The following HNRNPUL1 variants were observed in gnomAD, a reference collection of about 807,000 sequenced individuals.
HNRNPUL1 encodes the protein heterogeneous nuclear ribonucleoprotein U like 1, also known as heterogeneous nuclear ribonucleoprotein U-like protein 1.
In HNRNPUL1, 14 loss-of-function variants were observed where a neutral mutation model predicts 108.5. The ratio of observed to expected loss-of-function variants is 0.13; its 90% confidence interval spans 0.09 to 0.20. The LOEUF is 0.20. Among genes scored for constraint, HNRNPUL1 ranks in the 10% least tolerant of loss-of-function variants. The probability of loss-of-function intolerance (pLI) is 1.00; values close to 1 mark genes in which losing one functional copy is unlikely to be tolerated. For missense variants in HNRNPUL1, 804 were observed against 1,168.3 expected, an observed-to-expected ratio of 0.69 and a Z score of 4.55; for synonymous variants, 422 against 445.2, an observed-to-expected ratio of 0.95 and a Z score of 0.66.
At chr19:41,289,425 G>A (rs2036448334) in intron 7 of HNRNPUL1, among the ~76,000 whole-genome samples, 2 of 152,174 alleles carry the variant, frequency 1.3e-5, no homozygotes, top group Admixed American at 1.3e-4. Flanking sequence ...GATACTTAGA[G>A]CCTAGGGACA....
intron 6 of HNRNPUL1, 42 bp downstream of exon 6, chr19:41,279,218 T>TG: frequency 7.3e-7 from 1 of 1,362,324 alleles, no homozygotes; most frequent in Admixed American, 1.7e-5. Flanking sequence ...ATAGAGTGAC[T>TG]GTCCCTACCC....
At position 41,294,191 on chromosome 19, in the gene HNRNPUL1, C is replaced by A. The variant is rs1040155035; in HGVS notation, c.1267-147C>A. The A allele has an allele frequency of 5.2e-5, 42 of 802,944 alleles. No individual in the cohort carries two copies. In the Middle Eastern group the frequency reaches 3.0e-3, roughly 58 times the overall value. 49.7% of individuals were successfully genotyped at this position (802,944 alleles called of 1,614,324 possible). ...AGCCTGATCTTTTTGAATCCCGATA[C>A]CAGTACTGTGAGGTAGATGGTATTA... On this transcript the variant is annotated intron_variant, in intron 8 of 14. Transcript: ENST00000392006. The surrounding 1 kb of genome is among the most constrained non-coding windows in gnomAD (Gnocchi z 4.3).
chr19:41,304,160 C>A lies in HNRNPUL1; in HGVS notation c.2161C>A (p.Arg721=). The A allele has an allele frequency of 6.2e-7, 1 of 1,614,176 alleles. No individual in the cohort carries two copies. The highest frequency in any genetic ancestry group is 2.2e-5 in the East Asian group (1 of 44,874). ...GCCACCACCCAGCTACAGCCCTGCT[C>A]GGAACCCCCCAGGGGCCAGCACCTA... ...PPPPPSYSPA[R]NPPGASTYNK... Residue 721 remains arginine, a synonymous_variant, in exon 13 of 15, where the codon CGG becomes AGG. Coordinates refer to ENST00000392006, the MANE Select transcript of HNRNPUL1 (RefSeq NM_007040.6).
intron 7 of HNRNPUL1, chr19:41,286,804 C>T (rs2036258886): frequency 6.6e-6 from 1 of 150,714 alleles, no homozygotes; most frequent in Admixed American, 6.6e-5. Flanking sequence ...GCAACCTCCG[C>T]CTCCCCGGGT....
chr19:41,285,343 C>T (rs1025830709), intron 7 of HNRNPUL1, among the ~76,000 whole-genome samples: 2 of 152,140 alleles, frequency 1.3e-5, no homozygotes, highest in Non-Finnish European at 2.9e-5. Flanking sequence ...TCTACCTCAG[C>T]GACCCAAGTA....
upstream of HNRNPUL1, chr19:41,264,209 C>T: frequency 3.2e-6 from 1 of 316,058 alleles, no homozygotes. Context: ...GCCAACGCTT[C>T]CTCCCCAGTA....
In HNRNPUL1 at chr19:41,272,197, C is replaced by T. The variant is rs200908886; in HGVS notation, c.534C>T (p.Asn178=). ...GTCGAAAGAGGCCTTATGAAGAAAACCGGGGACGGGGGTACTTTGAGCACC... is the reference window on the plus strand; with the variant it reads ...GTCGAAAGAGGCCTTATGAAGAAAATCGGGGACGGGGGTACTTTGAGCACC... ...FQSRKRPYEE[N]RGRGYFEHRE... is the part of the protein sequence containing the mutation. The change falls in exon 3 of 15, where the codon AAC becomes AAT. Residue 178 remains asparagine, a synonymous_variant. Transcript: ENST00000392006. The T allele has an allele frequency of 5.0e-6, 8 of 1,614,004 alleles. No homozygotes were observed. Among genetic ancestry groups the T allele is most frequent in the African/African-American group, 2.7e-5 (2 of 74,988 alleles).
chr19:41,276,179 A>C lies in HNRNPUL1; in HGVS notation c.667A>C (p.Lys223Gln). The stretch of plus-strand genomic sequence containing the variant: ...CACAGATAACTGCGACCTCCACTTC[A>C]AGGTGGCCCGAGATCGGAGTAGTGG... Reference protein sequence around the residue: ...IDTYNCDLHFKVARDRSSGYP... With the variant: ...IDTYNCDLHFQVARDRSSGYP... Residue 223 changes from lysine to glutamine, a missense_variant, in exon 5 of 15, where the codon AAG becomes CAG. Physicochemically the swap from Lys to Gln is moderately conservative, Grantham distance 53 (BLOSUM62 1). Coordinates refer to ENST00000392006, the MANE Select transcript of HNRNPUL1 (RefSeq NM_007040.6). 1 of 1,613,960 alleles carries C rather than the reference A, an allele frequency of 6.2e-7. No individual in the cohort carries two copies. The highest frequency in any genetic ancestry group is 8.5e-7 in the Non-Finnish European group (1 of 1,180,006).
chr19:41,270,985 C>G (rs1300747475), intron 2 of HNRNPUL1, among the ~76,000 whole-genome samples: 1 of 152,178 alleles, frequency 6.6e-6, no homozygotes, highest in African/African-American at 2.4e-5. Context: ...GGCTAGTCCT[C>G]TTGGTTAATA....
intron 10 of HNRNPUL1, among the ~76,000 whole-genome samples, chr19:41,296,513 C>T (rs961582158): frequency 6.6e-6 from 1 of 152,164 alleles, no homozygotes; most frequent in African/African-American, 2.4e-5. Context: ...AGGATTGCCT[C>T]GGGGCCTGAA....
At chr19:41,276,793 G>A (rs1178667028) in intron 5 of HNRNPUL1, 1 of 153,212 alleles carries the variant, frequency 6.5e-6, no homozygotes, top group African/African-American at 2.4e-5. Flanking sequence ...GCACAGAAAA[G>A]TACAGGATAA....
At chr19:41,272,648 ACTCTT>A (rs1475957916) in intron 3 of HNRNPUL1, among the ~76,000 whole-genome samples, 2 of 152,070 alleles carry the variant, frequency 1.3e-5, no homozygotes, top group African/African-American at 4.8e-5. Flanking sequence ...CGAAGTGCCC[ACTCTT>A]GGGCTGGACA....
intron 1 of HNRNPUL1, chr19:41,268,003 G>A (rs1389186579): frequency 7.2e-6 from 3 of 419,484 alleles, no homozygotes; most frequent in Non-Finnish European, 1.3e-5. Flanking sequence ...GTGTCTTTAA[G>A]ATTTGTCTGT....
chr19:41,277,832 A>G (rs1475143661), intron 5 of HNRNPUL1, among the ~76,000 whole-genome samples: 1 of 151,998 alleles, frequency 6.6e-6, no homozygotes, highest in East Asian at 1.9e-4. Flanking sequence ...CATCACATTT[A>G]TTGTAAAATG....
In HNRNPUL1 at chr19:41,268,305, G is replaced by A. The variant is rs1409841805; in HGVS notation, c.378G>A (p.Arg126=). Residue 126 remains arginine, a synonymous_variant, in exon 2 of 15, where the codon AGG becomes AGA. Transcript: ENST00000392006. Reference sequence around the variant, plus strand: ...AAGAAAACGAGTCAGGCTACGAGAGGAGACCACTGGAAATGGAGCAGCAGC... The same window carrying A: ...AAGAAAACGAGTCAGGCTACGAGAGAAGACCACTGGAAATGGAGCAGCAGC... ...IKQENESGYE[R]RPLEMEQQQA... The A allele has an allele frequency of 6.2e-7, 1 of 1,614,012 alleles. No individual in the cohort carries two copies. Among genetic ancestry groups the A allele is most frequent in the Non-Finnish European group, 8.5e-7 (1 of 1,179,964 alleles).
intron 7 of HNRNPUL1, among the ~76,000 whole-genome samples, chr19:41,291,132 G>T (rs2036552709): frequency 6.6e-6 from 1 of 152,188 alleles, no homozygotes; most frequent in African/African-American, 2.4e-5. Context: ...TCCCTGCATG[G>T]CTCTTCAGCT....
At chr19:41,265,490 C>G (rs2034775099) in intron 1 of HNRNPUL1, 1 of 1,046,784 alleles carries the variant, frequency 9.6e-7, no homozygotes, top group African/African-American at 1.6e-5. Context: ...TCTTCCGGGG[C>G]TGGAAGGCCA....
intron 10 of HNRNPUL1, among the ~76,000 whole-genome samples, chr19:41,295,768 C>T (rs750724206): frequency 5.9e-5 from 9 of 152,186 alleles, no homozygotes; most frequent in Non-Finnish European, 1.0e-4. Flanking sequence ...GAGGTGGGGA[C>T]AGCGTTTGGC....
intron 10 of HNRNPUL1, among the ~76,000 whole-genome samples, chr19:41,300,805 C>A (rs572079559): frequency 7.9e-5 from 12 of 152,296 alleles, no homozygotes; most frequent in African/African-American, 2.9e-4. Context: ...ACTGCACTTG[C>A]GAAAAGCAGA....
Sources: gnomAD v4.1 joint callset for allele counts (sites outside exome capture counted in the v4.1 genomes callset) on GRCh38, gnomAD v4.1.1 for gene constraint, Gnocchi (gnomAD v3.1) non-coding constraint, MANE v1.5 for transcripts, NCBI Gene and HGNC (gene_info 2026-07-23, HGNC 2026-07-21) for gene names.